The following SLC14A2 variants were observed in gnomAD, a reference collection of about 807,000 sequenced individuals.
SLC14A2 encodes the protein urea transporter 2.
Under a neutral mutation model 104.6 loss-of-function variants are expected in SLC14A2, and 91 were observed. That is an observed-to-expected ratio of 0.87 (90% CI 0.73 to 1.04). The LOEUF (loss-of-function observed/expected upper bound fraction) is 1.04, where lower values mean the gene tolerates loss of function less well. SLC14A2 is among the 50% of genes least tolerant of loss of function. SLC14A2 has a pLI of 0.00. For missense variants in SLC14A2, 1,189 were observed against 1,156.0 expected (o/e 1.03, Z -0.41); for synonymous variants, 476 against 466.4 (o/e 1.02, Z -0.27).
intron 1 of SLC14A2, among the ~76,000 whole-genome samples, chr18:45,325,442 C>T (rs567439438): frequency 1.3e-5 from 2 of 152,326 alleles, no homozygotes; most frequent in African/African-American, 4.8e-5. Flanking sequence ...TATTATTACA[C>T]TGGTGAATCC....
chr18:45,434,469 TTTGTTG>T (rs148118832), intron 1 of SLC14A2, among the ~76,000 whole-genome samples: 1 of 151,394 alleles, frequency 6.6e-6, no homozygotes, highest in South Asian at 2.1e-4. Flanking sequence ...TTTGCAGAGC[TTTGTTG>T]TTGTTGTTGT....
At chr18:45,630,510 G>A (rs1340701625) in intron 4 of SLC14A2, among the ~76,000 whole-genome samples, 1 of 152,130 alleles carries the variant, frequency 6.6e-6, no homozygotes, top group Non-Finnish European at 1.5e-5. Flanking sequence ...TTTTGGCACT[G>A]GAGTTGAACC....
intron 1 of SLC14A2, among the ~76,000 whole-genome samples, chr18:45,378,891 G>A (rs1368604824): frequency 3.3e-5 from 5 of 152,104 alleles, no homozygotes; most frequent in Non-Finnish European, 7.3e-5. Context: ...GATTACAGGC[G>A]TGAGCCACCG....
intron 1 of SLC14A2, among the ~76,000 whole-genome samples, chr18:45,228,000 C>T (rs1313886750): frequency 1.3e-5 from 2 of 152,172 alleles, no homozygotes; most frequent in African/African-American, 4.8e-5. Context: ...TGGATTGTAT[C>T]ACTTTAAATC....
the SLC14A2 span, among the ~76,000 whole-genome samples, chr18:45,176,546 G>A: frequency 6.6e-6 from 1 of 152,084 alleles, no homozygotes. Flanking sequence ...CTCACAGATG[G>A]AAACCCCCAG....
intron 5 of SLC14A2, among the ~76,000 whole-genome samples, chr18:45,633,152 T>C (rs1022769481): frequency 3.9e-5 from 6 of 152,196 alleles, no homozygotes; most frequent in Non-Finnish European, 8.8e-5. Context: ...CATCAGTTTA[T>C]GGAAGGGAAG....
chr18:45,648,910 C>T (rs983235780), intron 10 of SLC14A2, among the ~76,000 whole-genome samples: 4 of 152,158 alleles, frequency 2.6e-5, no homozygotes, highest in African/African-American at 9.7e-5. Flanking sequence ...GCAGTTACTG[C>T]TCCTTTCCCA....
chr18:45,263,678 A>G (rs150725304), intron 1 of SLC14A2, among the ~76,000 whole-genome samples: 1 of 152,160 alleles, frequency 6.6e-6, no homozygotes, highest in African/African-American at 2.4e-5. Flanking sequence ...GTGTTTATGT[A>G]TATCGGTTTA....
At chr18:45,371,258 T>C (rs2085719642) in intron 1 of SLC14A2, among the ~76,000 whole-genome samples, 1 of 152,216 alleles carries the variant, frequency 6.6e-6, no homozygotes, top group South Asian at 2.1e-4. Context: ...CAAACTGGAC[T>C]ATCTCCTGTT....
chr18:45,525,620 A>C (rs2043584912), intron 2 of SLC14A2, among the ~76,000 whole-genome samples: 1 of 152,220 alleles, frequency 6.6e-6, no homozygotes, highest in Non-Finnish European at 1.5e-5. Context: ...TGATGATTTC[A>C]AAATGCTCAC....
intron 1 of SLC14A2, among the ~76,000 whole-genome samples, chr18:45,235,118 A>G (rs552722914): frequency 2.6e-5 from 4 of 152,278 alleles, no homozygotes; most frequent in African/African-American, 9.6e-5. Context: ...AGGCAAATGT[A>G]AGATGTGAGG....
intron 1 of SLC14A2, among the ~76,000 whole-genome samples, chr18:45,368,427 C>T (rs950566875): frequency 2.0e-5 from 3 of 152,078 alleles, no homozygotes; most frequent in African/African-American, 4.8e-5. Flanking sequence ...GTAGCTTTTC[C>T]CTGGGCATAA....
chr18:45,240,749 C>T (rs577893832), intron 1 of SLC14A2, among the ~76,000 whole-genome samples: 69 of 151,688 alleles, frequency 4.5e-4, no homozygotes, highest in Non-Finnish European at 7.9e-4. Context: ...CCTCTGCATC[C>T]CAGGTTCAAG....
chr18:45,328,621 A>G (rs1006456157), intron 1 of SLC14A2, among the ~76,000 whole-genome samples: 2 of 152,200 alleles, frequency 1.3e-5, no homozygotes, highest in African/African-American at 4.8e-5. Context: ...GATTTGGTAA[A>G]GAACAAGTTC....
At chr18:45,429,906 C>T (rs1203751623) in intron 1 of SLC14A2, among the ~76,000 whole-genome samples, 1 of 152,112 alleles carries the variant, frequency 6.6e-6, no homozygotes, top group African/African-American at 2.4e-5. Context: ...TGTTTTAGTC[C>T]TTCCCTAAGG....
chr18:45,269,242 G>A (rs897451733), intron 1 of SLC14A2, among the ~76,000 whole-genome samples: 8 of 152,030 alleles, frequency 5.3e-5, no homozygotes, highest in African/African-American at 1.9e-4. Flanking sequence ...TTCTTCTCAC[G>A]TGGTTGGTGC....
chr18:45,366,766 T>G (rs1232187698), intron 1 of SLC14A2, among the ~76,000 whole-genome samples: 1 of 152,224 alleles, frequency 6.6e-6, no homozygotes, highest in Non-Finnish European at 1.5e-5. Flanking sequence ...CTGGCTCAGC[T>G]GGTATCTGGT....
At chr18:45,532,817 T>C (rs897303896) in intron 2 of SLC14A2, among the ~76,000 whole-genome samples, 9 of 152,232 alleles carry the variant, frequency 5.9e-5, no homozygotes, top group African/African-American at 1.7e-4. Flanking sequence ...CCATTCAGTA[T>C]GATATTGGCT....
chr18:45,575,469 C>T (rs992612645), intron 2 of SLC14A2, among the ~76,000 whole-genome samples: 15 of 152,188 alleles, frequency 9.9e-5, no homozygotes, highest in Middle Eastern at 3.2e-3. Flanking sequence ...GATTGTAGTT[C>T]ATCCTTCACA....
Sources: allele counts gnomAD v4.1 joint callset (sites outside exome capture counted in the v4.1 genomes callset), GRCh38; gene constraint gnomAD v4.1.1; transcripts MANE v1.5; gene names NCBI Gene and HGNC (gene_info 2026-07-23, HGNC 2026-07-21).